Variants in TRPM3 observed in about 807,000 individuals in gnomAD.
The protein encoded by TRPM3 is long transient receptor potential channel 3.
A neutral mutation model predicts 181.2 loss-of-function variants in TRPM3; 77 were observed. That is an observed-to-expected ratio of 0.42 (90% CI 0.35 to 0.51). The LOEUF is 0.51. TRPM3 is among the 20% of genes least tolerant of loss of function. The probability of loss-of-function intolerance (pLI) is 0.01; values close to 1 mark genes in which losing one functional copy is unlikely to be tolerated. For missense variants in TRPM3, 1,759 were observed against 2,196.7 expected (o/e 0.80, Z 3.98); for synonymous variants, 745 against 796.4 (o/e 0.94, Z 1.09).
rs528847302 is a variant in TRPM3, at chr9:71,132,287, G to A, written c.184-267776C>T. On this transcript the variant is annotated intron_variant, in intron 1 of 24. Coordinates refer to the TRPM3 transcript ENST00000357533. The stretch of plus-strand genomic sequence containing the variant: ...TCTTGTTCTTTGCCTTATGCTCCAT[G>A]GCCCCTTCCCTCTACAGTTAATTCT... Among the ~76,000 whole-genome samples the A allele has an allele frequency of 3.3e-5, 5 of 152,206 alleles. No individual in the cohort carries two copies. In the South Asian group the frequency reaches 1.0e-3, roughly 32 times the overall value.
Position 71,180,702 on chromosome 9 carries a change from T to C in TRPM3, c.183+265951A>G, listed in dbSNP as rs2077352532. On this transcript the variant is annotated intron_variant, in intron 1 of 24. Coordinates refer to the TRPM3 transcript ENST00000357533. ...CTGTTGCCAAAGAAATTCTTAATAC[T>C]TTTTACTAAAAAGAAGAAAGCTTGT... Among the ~76,000 whole-genome samples the C allele has an allele frequency of 2.6e-5, 4 of 152,284 alleles. No homozygotes were observed. In the South Asian group the frequency reaches 8.3e-4, roughly 32 times the overall value.
intron 1 of TRPM3, among the ~76,000 whole-genome samples, chr9:71,172,544 C>T (rs532758553): frequency 1.1e-4 from 16 of 152,164 alleles, no homozygotes; most frequent in African/African-American, 3.4e-4. Context: ...GTAACTGGCA[C>T]CACAAGCGAG....
intron 1 of TRPM3, among the ~76,000 whole-genome samples, chr9:71,251,833 A>G (rs1031367108): frequency 6.6e-6 from 1 of 152,062 alleles, no homozygotes; most frequent in African/African-American, 2.4e-5. Flanking sequence ...CCCATTAACC[A>G]TCTTCTCCTG....
At chr9:70,942,253 A>G (rs12347867) in intron 1 of TRPM3, among the ~76,000 whole-genome samples, 22,082 of 152,166 alleles carry the variant, frequency 0.15, 1,766 homozygotes, top group Non-Finnish European at 0.17. Flanking sequence ...GGACTCTCAA[A>G]CAAACAGTTA....
At chr9:70,617,960 G>T (rs1239809864) in intron 17 of TRPM3, among the ~76,000 whole-genome samples, 1 of 151,978 alleles carries the variant, frequency 6.6e-6, no homozygotes, top group Non-Finnish European at 1.5e-5. Flanking sequence ...GCAAGACCTT[G>T]TCTCAAAAAC....
At chr9:70,866,576 A>C (rs2095653895) in intron 1 of TRPM3, among the ~76,000 whole-genome samples, 1 of 152,086 alleles carries the variant, frequency 6.6e-6, no homozygotes. Flanking sequence ...AGACCTGTCC[A>C]GGGTTGATTC....
chr9:71,232,480 G>A (rs1257201962), intron 1 of TRPM3, among the ~76,000 whole-genome samples: 1 of 133,760 alleles, frequency 7.5e-6, no homozygotes, highest in Non-Finnish European at 1.6e-5. Context: ...CATGGAAATT[G>A]AATTCAGTGT....
At chr9:71,151,297 A>G (rs751581030) in intron 1 of TRPM3, among the ~76,000 whole-genome samples, 12 of 152,034 alleles carry the variant, frequency 7.9e-5, no homozygotes, top group Non-Finnish European at 1.8e-4. Context: ...TCAGTGAATC[A>G]AAAGAATACC....
At chr9:70,767,351 T>TATTC (rs1182479367) in intron 7 of TRPM3, among the ~76,000 whole-genome samples, 2 of 152,186 alleles carry the variant, frequency 1.3e-5, no homozygotes, top group African/African-American at 4.8e-5. Flanking sequence ...CAACAAACAA[T>TATTC]ATTCATGCCT....
intron 1 of TRPM3, among the ~76,000 whole-genome samples, chr9:70,881,803 A>G (rs528502293): frequency 2.6e-5 from 4 of 152,278 alleles, no homozygotes; most frequent in African/African-American, 9.6e-5. Flanking sequence ...CATTGCTCTC[A>G]AGTGACCAAA....
intron 7 of TRPM3, among the ~76,000 whole-genome samples, chr9:70,779,816 A>C (rs1356514540): frequency 1.3e-5 from 2 of 152,152 alleles, no homozygotes; most frequent in African/African-American, 2.4e-5. Context: ...GAAAGTGACA[A>C]TTTTCATTAA....
At chr9:71,006,130 A>G (rs1447186360) in intron 1 of TRPM3, among the ~76,000 whole-genome samples, 2 of 152,196 alleles carry the variant, frequency 1.3e-5, no homozygotes, top group Non-Finnish European at 2.9e-5. Context: ...AACCTGTTAT[A>G]ATCATAAGAT....
At chr9:70,633,208 G>A (rs2066219319) in intron 12 of TRPM3, among the ~76,000 whole-genome samples, 1 of 152,168 alleles carries the variant, frequency 6.6e-6, no homozygotes, top group East Asian at 1.9e-4. Context: ...AATACTCCAA[G>A]TCATTACTTT....
chr9:70,631,100 T>C (rs372066483), intron 12 of TRPM3, among the ~76,000 whole-genome samples: 1 of 152,108 alleles, frequency 6.6e-6, no homozygotes, highest in African/African-American at 2.4e-5. Flanking sequence ...CAAGGAAGTG[T>C]GAAGAAAAGA....
chr9:70,555,690 C>T (rs2047520324), intron 22 of TRPM3, among the ~76,000 whole-genome samples: 1 of 152,198 alleles, frequency 6.6e-6, no homozygotes, highest in East Asian at 1.9e-4. Context: ...GTCTCTGCTA[C>T]CCACTTGGCC....
At chr9:70,947,947 T>C (rs966795526) in intron 1 of TRPM3, among the ~76,000 whole-genome samples, 1 of 152,188 alleles carries the variant, frequency 6.6e-6, no homozygotes, top group Non-Finnish European at 1.5e-5. Flanking sequence ...AAAGTTACTA[T>C]TATAAGATGT....
chr9:70,917,147 G>C (rs1037242084), intron 1 of TRPM3: 41 of 1,605,626 alleles, frequency 2.6e-5, no homozygotes, highest in South Asian at 1.9e-4. Flanking sequence ...GGCCACATCT[G>C]GGGCATACTG....
intron 1 of TRPM3, among the ~76,000 whole-genome samples, chr9:71,434,866 A>C (rs978115316): frequency 2.0e-5 from 3 of 152,164 alleles, no homozygotes; most frequent in Admixed American, 6.5e-5. Flanking sequence ...CAAAGGAGAC[A>C]CTTTTATCAA....
At chr9:71,080,322 C>T (rs916597833) in intron 1 of TRPM3, among the ~76,000 whole-genome samples, 5 of 151,954 alleles carry the variant, frequency 3.3e-5, no homozygotes, top group South Asian at 2.1e-4. Flanking sequence ...ATAGATAACT[C>T]GGAAAAGTTT....
Sources: gnomAD v4.1 joint callset for allele counts (sites outside exome capture counted in the v4.1 genomes callset) on GRCh38, gnomAD v4.1.1 for gene constraint, MANE v1.5 for transcripts, NCBI Gene and HGNC (gene_info 2026-07-23, HGNC 2026-07-21) for gene names.